Variants in SLC12A8 observed in about 807,000 individuals in gnomAD.
The protein encoded by SLC12A8 is solute carrier family 12 member 8.
In SLC12A8, 69 loss-of-function variants were observed where a neutral mutation model predicts 75.6. The ratio of observed to expected loss-of-function variants is 0.91; its 90% confidence interval spans 0.75 to 1.11. The LOEUF is 1.11. SLC12A8 is among the 50% of genes most tolerant of loss of function. The pLI, the probability that SLC12A8 is intolerant of heterozygous loss-of-function variation, is 0.00. For synonymous variants in SLC12A8, 365 were observed against 372.8 expected (o/e 0.98, Z 0.24); for missense variants, 877 against 896.7 (o/e 0.98, Z 0.28).
At position 125,106,778 on chromosome 3, in the gene SLC12A8, T is replaced by C. The variant is rs546010253; in HGVS notation, c.1705+703A>G. Among the ~76,000 whole-genome samples, 3 of 152,232 alleles carry C rather than the reference T, an allele frequency of 2.0e-5. No homozygotes were observed. In the East Asian group the frequency reaches 5.8e-4, roughly 29 times the overall value. Reference sequence around the variant, plus strand: ...GTACATGGGCCTCAAATACAGACAATACAATGCAGGGTGATGTCCAGCTGT... The same window carrying C: ...GTACATGGGCCTCAAATACAGACAACACAATGCAGGGTGATGTCCAGCTGT... On this transcript the variant is annotated intron_variant, in intron 10 of 13. Coordinates refer to ENST00000469902, the MANE Select transcript of SLC12A8 (RefSeq NM_024628.6).
At chr3:125,133,515 G>A (rs1323989784) in intron 6 of SLC12A8, among the ~76,000 whole-genome samples, 1 of 150,516 alleles carries the variant, frequency 6.6e-6, no homozygotes, top group Admixed American at 6.7e-5. Context: ...AAGTAGCTGA[G>A]AATCACTACA....
chr3:125,167,342 C>T (rs1301683750), intron 5 of SLC12A8, among the ~76,000 whole-genome samples: 2 of 152,168 alleles, frequency 1.3e-5, no homozygotes, highest in Non-Finnish European at 2.9e-5. Flanking sequence ...GATGGGGTTT[C>T]ACCATGTTGG....
Position 125,089,012 on chromosome 3 carries a change from C to T in SLC12A8, c.1922-642G>A, listed in dbSNP as rs188104842. 3.6e-4 allele frequency among the ~76,000 whole-genome samples: 55 copies of T among 152,154 alleles called. 1 individual carries two copies. The East Asian group carries it at 0.01, about 28-fold the overall frequency. Reference sequence around the variant, plus strand: ...TTTGGTGTAGGTTTAAAAAAATTCACATAGTAAATTATATATAACTTTAGA... The same window carrying T: ...TTTGGTGTAGGTTTAAAAAAATTCATATAGTAAATTATATATAACTTTAGA... On this transcript the variant is annotated intron_variant, in intron 12 of 13. Transcript: ENST00000469902.
intron 2 of SLC12A8, among the ~76,000 whole-genome samples, chr3:125,198,053 T>C (rs907107163): frequency 7.2e-5 from 11 of 152,114 alleles, no homozygotes; most frequent in Non-Finnish European, 1.2e-4. Flanking sequence ...AAATGGAAAT[T>C]ATGTAGCTCC....
intron 5 of SLC12A8, among the ~76,000 whole-genome samples, chr3:125,173,452 C>CAAAAAAAA (rs61001520): frequency 2.1e-4 from 17 of 79,644 alleles, no homozygotes; most frequent in East Asian, 8.5e-4. Flanking sequence ...ATTCATGAGC[C>CAAAAAAAA]AAAAAAAAAA....
intron 5 of SLC12A8, among the ~76,000 whole-genome samples, chr3:125,136,054 C>G (rs1933486857): frequency 6.6e-6 from 1 of 152,120 alleles, no homozygotes; most frequent in South Asian, 2.1e-4. Context: ...TCATCTTTTG[C>G]TTCATAGACT....
chr3:125,100,741 C>T (rs1211047374), intron 10 of SLC12A8, among the ~76,000 whole-genome samples: 4 of 146,648 alleles, frequency 2.7e-5, no homozygotes, highest in South Asian at 2.4e-4. Flanking sequence ...AGGCCGGGCG[C>T]GGTGGCTCAC....
intron 7 of SLC12A8, chr3:125,119,201 T>G (rs184518167): frequency 7.3e-4 from 116 of 159,364 alleles, no homozygotes; most frequent in African/African-American, 1.3e-3. Flanking sequence ...AAGTGAGCAG[T>G]TTTTTTTCTC....
intron 5 of SLC12A8, among the ~76,000 whole-genome samples, chr3:125,144,902 C>A (rs1461196390): frequency 6.6e-6 from 1 of 152,146 alleles, no homozygotes; most frequent in Non-Finnish European, 1.5e-5. Flanking sequence ...GCAGAGCCCC[C>A]CTCCTGCCAA....
intron 5 of SLC12A8, among the ~76,000 whole-genome samples, chr3:125,161,697 A>G (rs1043582453): frequency 2.0e-5 from 3 of 150,082 alleles, no homozygotes; most frequent in African/African-American, 7.3e-5. Flanking sequence ...AAAAAAAAAA[A>G]TCTAAGGAAC....
chr3:125,169,975 AG>A (rs1934373541), intron 5 of SLC12A8, among the ~76,000 whole-genome samples: 1 of 109,476 alleles, frequency 9.1e-6, no homozygotes, highest in Non-Finnish European at 2.2e-5. Flanking sequence ...TAGGGAAAAT[AG>A]AAAGCAAAAA....
intron 5 of SLC12A8, among the ~76,000 whole-genome samples, chr3:125,136,461 C>G (rs559194566): frequency 5.3e-5 from 8 of 152,228 alleles, no homozygotes; most frequent in African/African-American, 1.2e-4. Context: ...TTCCTCCCCC[C>G]TCACTGCTGT....
At position 125,187,418 on chromosome 3, in the gene SLC12A8, C is replaced by G. The variant is rs372567580; in HGVS notation, c.209G>C (p.Gly70Ala). 6.2e-7 allele frequency: 1 copy of G among 1,614,014 alleles called. No homozygotes were observed. The highest frequency in any genetic ancestry group is 1.1e-5 in the South Asian group (1 of 91,034). The change falls in exon 4 of 14, where the codon GGA becomes GCA. Residue 70 changes from glycine (G) to alanine (A), a missense_variant. Transcript: ENST00000469902. ...CACCAGGAACATGCCCAGGAGCACT[C>G]CTGTGTTTCCCTGCAGCAGAATAGC... The part of the protein sequence containing the change: ...LRTGWLVGNT[G>A]VLLGMFLVSF...
rs767383312 is a variant in SLC12A8 at position 125,084,094 on chromosome 3, C to G, written c.1983-42G>C. On this transcript the variant is annotated intron_variant, in intron 13 of 13. Coordinates refer to ENST00000469902, the MANE Select transcript of SLC12A8 (RefSeq NM_024628.6). Reference sequence around the variant, plus strand: ...ACAGAGGATGGTGAGAAGGACAGAACAGAGACTGAACAGTAGAGGTGAGTC... The same window carrying G: ...ACAGAGGATGGTGAGAAGGACAGAAGAGAGACTGAACAGTAGAGGTGAGTC... The G allele has an allele frequency of 1.9e-6, 3 of 1,564,090 alleles. No homozygotes were observed. In the African/African-American group the frequency reaches 4.1e-5, roughly 21 times the overall value.
At chr3:125,187,179 G>T in intron 4 of SLC12A8, 58 bp downstream of exon 4, 1 of 1,564,396 alleles carries the variant, frequency 6.4e-7, no homozygotes, top group Non-Finnish European at 8.8e-7. Context: ...TGAGGAAATG[G>T]ACAAGAAGAA....
At chr3:125,084,597 G>A (rs771613200) in intron 13 of SLC12A8, among the ~76,000 whole-genome samples, 24 of 152,260 alleles carry the variant, frequency 1.6e-4, no homozygotes, top group Non-Finnish European at 5.9e-5. Flanking sequence ...GGATCCCACT[G>A]TCACTGGAGT....
intron 2 of SLC12A8, among the ~76,000 whole-genome samples, chr3:125,207,582 C>G (rs1358210042): frequency 6.6e-6 from 1 of 152,232 alleles, no homozygotes; most frequent in Non-Finnish European, 1.5e-5. Flanking sequence ...TCTCCCTATT[C>G]CCAACGCTAA....
At chr3:125,194,869 C>T (rs1485964442) in intron 2 of SLC12A8, among the ~76,000 whole-genome samples, 1 of 152,234 alleles carries the variant, frequency 6.6e-6, no homozygotes, top group Non-Finnish European at 1.5e-5. Flanking sequence ...AGAGAATATA[C>T]CCAAGCTGCT....
Position 125,160,584 on chromosome 3 carries a change from A to G in SLC12A8, c.622+17159T>C, listed in dbSNP as rs137896393. On this transcript the variant is annotated intron_variant, in intron 5 of 13. Coordinates refer to ENST00000469902, the MANE Select transcript of SLC12A8 (RefSeq NM_024628.6). ...TGTCCACAGCCTTTGCCATCTCTCAATCAGCCACTGGTTGCAAATGCGAGT... is the reference window on the plus strand; with the variant it reads ...TGTCCACAGCCTTTGCCATCTCTCAGTCAGCCACTGGTTGCAAATGCGAGT... Among the ~76,000 whole-genome samples the G allele has an allele frequency of 1.8e-3, 279 of 152,260 alleles. 2 individuals carry two copies. Among genetic ancestry groups the G allele is most frequent in the Non-Finnish European group, 1.1e-3 (72 of 68,014 alleles).
Sources: allele counts gnomAD v4.1 joint callset (sites outside exome capture counted in the v4.1 genomes callset), GRCh38; gene constraint gnomAD v4.1.1; transcripts MANE v1.5; gene names NCBI Gene and HGNC (gene_info 2026-07-23, HGNC 2026-07-21).